KCNN2: variants seen among roughly 807,000 people sequenced by gnomAD.
The protein encoded by KCNN2 is small conductance calcium-activated potassium channel protein 2.
Under a neutral mutation model 55.5 loss-of-function variants are expected in KCNN2, and 24 were observed. The observed-to-expected ratio is 0.43, with a 90% CI of 0.31 to 0.61. The LOEUF (loss-of-function observed/expected upper bound fraction) is 0.61, where lower values mean the gene tolerates loss of function less well. KCNN2 is among the 20% of genes least tolerant of loss of function. The probability of loss-of-function intolerance (pLI) is 0.08; values close to 1 mark genes in which losing one functional copy is unlikely to be tolerated. For missense variants in KCNN2, 754 were observed against 853.6 expected (o/e 0.88, Z 1.45); for synonymous variants, 431 against 336.1 (o/e 1.28, Z -3.09).
intron 4 of KCNN2, among the ~76,000 whole-genome samples, chr5:114,470,109 T>A (rs897869536): frequency 6.6e-6 from 1 of 152,154 alleles, no homozygotes; most frequent in Non-Finnish European, 1.5e-5. Flanking sequence ...CGGTGAGAAA[T>A]GGGCCAGTAG....
intron 1 of KCNN2, among the ~76,000 whole-genome samples, chr5:114,091,447 G>T (rs1286628064): frequency 2.0e-5 from 3 of 152,164 alleles, no homozygotes; most frequent in Non-Finnish European, 4.4e-5. Flanking sequence ...GAGTTCAGAT[G>T]AAATGAAGAG....
intron 2 of KCNN2, among the ~76,000 whole-genome samples, chr5:114,333,266 A>G (rs1756860241): frequency 6.6e-6 from 1 of 152,248 alleles, no homozygotes; most frequent in African/African-American, 2.4e-5. Context: ...TTGGACAGGC[A>G]AAAACCTTAC....
At chr5:114,157,323 A>G (rs1182378678) in intron 1 of KCNN2, among the ~76,000 whole-genome samples, 1 of 152,040 alleles carries the variant, frequency 6.6e-6, no homozygotes, top group Non-Finnish European at 1.5e-5. Flanking sequence ...TGTCCCTACA[A>G]AGGACATGAA....
chr5:114,369,684 G>A (rs1246563205), intron 2 of KCNN2, among the ~76,000 whole-genome samples: 9 of 152,122 alleles, frequency 5.9e-5, no homozygotes. Context: ...TGTATACACT[G>A]TAGTAACGAA....
At chr5:114,261,172 G>T (rs1273554339) in intron 2 of KCNN2, among the ~76,000 whole-genome samples, 2 of 152,190 alleles carry the variant, frequency 1.3e-5, no homozygotes, top group African/African-American at 4.8e-5. Flanking sequence ...CTAGGAAAAT[G>T]ATTTCAATAT....
chr5:114,295,329 C>T (rs1289610898), intron 2 of KCNN2, among the ~76,000 whole-genome samples: 1 of 152,212 alleles, frequency 6.6e-6, no homozygotes, highest in Admixed American at 6.5e-5. Flanking sequence ...AGGAAGGCCT[C>T]CTTGAGCTGT....
At chr5:114,265,636 C>T (rs1333799973) in intron 2 of KCNN2, among the ~76,000 whole-genome samples, 5 of 152,106 alleles carry the variant, frequency 3.3e-5, no homozygotes, top group Non-Finnish European at 7.4e-5. Context: ...GGATGAGGCC[C>T]ACCCACATAA....
chr5:114,208,413 C>A (rs1753815725), intron 1 of KCNN2, among the ~76,000 whole-genome samples: 1 of 152,142 alleles, frequency 6.6e-6, no homozygotes, highest in Non-Finnish European at 1.5e-5. Context: ...AACTTTCCCT[C>A]CACTCTATGC....
chr5:114,251,777 G>T, intron 2 of KCNN2, among the ~76,000 whole-genome samples: 1 of 148,218 alleles, frequency 6.7e-6, no homozygotes, highest in African/African-American at 2.5e-5. Context: ...AATTCTTCTG[G>T]ACCCTGAGTA....
At chr5:114,130,946 C>G (rs1375090732) in intron 1 of KCNN2, among the ~76,000 whole-genome samples, 1 of 152,140 alleles carries the variant, frequency 6.6e-6, no homozygotes, top group Non-Finnish European at 1.5e-5. Flanking sequence ...TGGCCTGAGT[C>G]TGGGACAAAC....
intron 2 of KCNN2, among the ~76,000 whole-genome samples, chr5:114,311,410 T>C (rs1326687861): frequency 2.0e-5 from 3 of 152,192 alleles, no homozygotes; most frequent in Admixed American, 6.6e-5. Flanking sequence ...ACCATGGATG[T>C]GGAACCTATT....
intron 1 of KCNN2, among the ~76,000 whole-genome samples, chr5:114,198,265 T>TTA (rs369962216): frequency 0.025 from 3,739 of 148,344 alleles, 126 homozygotes; most frequent in African/African-American, 0.085. Context: ...TAGTATTCCA[T>TTA]TATATATATA....
At chr5:114,199,077 T>C (rs926153954) in intron 1 of KCNN2, among the ~76,000 whole-genome samples, 2 of 152,112 alleles carry the variant, frequency 1.3e-5, no homozygotes, top group African/African-American at 4.8e-5. Context: ...TTAGGTCTAG[T>C]AGTATTTGTT....
intron 1 of KCNN2, among the ~76,000 whole-genome samples, chr5:114,129,696 C>G (rs561087737): frequency 2.0e-5 from 3 of 152,344 alleles, no homozygotes; most frequent in Admixed American, 2.0e-4. Flanking sequence ...ACCTGAGTTT[C>G]ACACGTGGTC....
intron 1 of KCNN2, among the ~76,000 whole-genome samples, chr5:114,180,058 C>G (rs1753209388): frequency 6.6e-6 from 1 of 152,116 alleles, no homozygotes. Flanking sequence ...TGTCTTTTCC[C>G]TGAAGCACGA....
At chr5:114,104,991 C>T (rs1245311877) in intron 1 of KCNN2, among the ~76,000 whole-genome samples, 1 of 152,058 alleles carries the variant, frequency 6.6e-6, no homozygotes. Flanking sequence ...TTCCCAGTGT[C>T]ACCTATTCTG....
intron 2 of KCNN2, among the ~76,000 whole-genome samples, chr5:114,221,707 C>T (rs1210300931): frequency 6.6e-6 from 1 of 152,102 alleles, no homozygotes; most frequent in Admixed American, 6.6e-5. Context: ...TTTAGTGATT[C>T]ATTCTTTTTT....
At chr5:114,440,079 G>A (rs910224528) in intron 3 of KCNN2, among the ~76,000 whole-genome samples, 1 of 152,048 alleles carries the variant, frequency 6.6e-6, no homozygotes, top group African/African-American at 2.4e-5. Flanking sequence ...ACCCAAGGCT[G>A]CAAGCTGCAA....
At chr5:114,139,469 C>CG (rs1554070918) in intron 1 of KCNN2, among the ~76,000 whole-genome samples, 3 of 144,466 alleles carry the variant, frequency 2.1e-5, no homozygotes, top group East Asian at 2.0e-4. Flanking sequence ...ACCCCCCCCA[C>CG]ACACACACAC....
Sources: allele counts gnomAD v4.1 joint callset (sites outside exome capture counted in the v4.1 genomes callset), GRCh38; gene constraint gnomAD v4.1.1; transcripts MANE v1.5; gene names NCBI Gene and HGNC (gene_info 2026-07-23, HGNC 2026-07-21).